The following MAN1B1 variants were observed in gnomAD, a reference collection of about 807,000 sequenced individuals.
MAN1B1 encodes endoplasmic reticulum mannosyl-oligosaccharide 1,2-alpha-mannosidase.
MAN1B1 carries 66 observed loss-of-function variants against 75.5 expected under a neutral mutation model. That is an observed-to-expected ratio of 0.87 (90% CI 0.72 to 1.07). MAN1B1 has a LOEUF of 1.07. MAN1B1 is among the 50% of genes least tolerant of loss of function. The pLI, the probability that MAN1B1 is intolerant of heterozygous loss-of-function variation, is 0.00. For synonymous variants in MAN1B1, 453 were observed against 382.8 expected (o/e 1.18, Z -2.14); for missense variants, 973 against 912.5 (o/e 1.07, Z -0.85).
At chr9:137,093,304 A>G (rs7848423) in intron 3 of MAN1B1, among the ~76,000 whole-genome samples, 51,985 of 151,896 alleles carry the variant, frequency 0.34, 9,135 homozygotes, top group East Asian at 0.56. Context: ...TGAGGCCTGA[A>G]CTGGGAGGTG....
chr9:137,107,223 G>C, intron 10 of MAN1B1, 27 bp from the exon 11 acceptor site: 1 of 1,609,652 alleles, frequency 6.2e-7, no homozygotes. Flanking sequence ...CCTGGGATCT[G>C]GGGCTGAAGA....
rs760066464 is a variant in MAN1B1 at position 137,096,225 on chromosome 9, A to C, written c.466-12A>C. 6.2e-7 allele frequency: 1 copy of C among 1,614,006 alleles called. No homozygotes were observed. The highest frequency in any genetic ancestry group is 8.5e-7 in the Non-Finnish European group (1 of 1,180,026). ...CACCCCGTGATTTCCTGTGTGACCA[A>C]TTTCTCTACAGAAGACACAAAGACA... On this transcript the variant is annotated splice_polypyrimidine_tract_variant and intron_variant, in intron 3 of 12. Transcript: ENST00000371589.
chr9:137,105,538 G>T (rs1831063486), intron 8 of MAN1B1: 1 of 271,422 alleles, frequency 3.7e-6, no homozygotes, highest in Non-Finnish European at 7.2e-6. Flanking sequence ...TCTGCGTTGG[G>T]TAGAGACCCG....
At chr9:137,099,949 G>C in intron 6 of MAN1B1, 68 bp downstream of exon 6, 1 of 1,563,040 alleles carries the variant, frequency 6.4e-7, no homozygotes, top group Non-Finnish European at 8.8e-7. Flanking sequence ...GCAGAGTGTG[G>C]GTTGCACACG....
At chr9:137,099,322 A>G (rs1451715595) in intron 5 of MAN1B1, among the ~76,000 whole-genome samples, 1 of 152,202 alleles carries the variant, frequency 6.6e-6, no homozygotes, top group Non-Finnish European at 1.5e-5. Flanking sequence ...GGCTGTGCTC[A>G]CTGTGCTGTC....
chr9:137,089,113 GT>G, intron 3 of MAN1B1, 108 bp downstream of exon 3: 1 of 1,356,632 alleles, frequency 7.4e-7, no homozygotes, highest in Non-Finnish European at 1.1e-6. Context: ...ATTACCACGT[GT>G]TTACCTCTCT....
Position 137,088,086 on chromosome 9 carries a change from A to G in MAN1B1, c.231A>G (p.Gln77=), listed in dbSNP as rs1322827440. Residue 77 remains glutamine, a synonymous_variant, in exon 2 of 13, where the codon CAA becomes CAG. Transcript: ENST00000371589. ...RRRSCWRKWK[Q]LSRLQRNMIL... is the part of the protein sequence containing the mutation. The stretch of plus-strand genomic sequence containing the variant: ...TGTACCTCCCTTAGAAATGGAAGCA[A>G]CTGTCGAGATTGCAGCGGAATATGA... 9 of 1,613,958 alleles carry G rather than the reference A, an allele frequency of 5.6e-6. No homozygotes were observed. The highest frequency in any genetic ancestry group is 6.8e-6 in the Non-Finnish European group (8 of 1,179,804).
In MAN1B1 at chr9:137,101,024, G is replaced by T. The variant is rs376305905; in HGVS notation, c.936G>T (p.Lys312Asn). The part of the protein sequence containing the change: ...GLRKEFEEAR[K>N]WVSKKLHFEK... The stretch of plus-strand genomic sequence containing the variant: ...TCATAGAATTTGAGGAAGCCAGGAA[G>T]TGGGTGTCGAAGAAGTTACACTTTG... Residue 312 changes from lysine to asparagine, a missense_variant, in exon 7 of 13, where the codon AAG (lysine) becomes AAT (asparagine). Lys to Asn is a moderately conservative substitution (Grantham distance 94, BLOSUM62 0). Transcript: ENST00000371589. 13 of 1,614,104 alleles carry T rather than the reference G, an allele frequency of 8.1e-6. No individual in the cohort carries two copies.
rs530699974 is a variant in MAN1B1 at position 137,094,962 on chromosome 9, T to C, written c.466-1275T>C. ...CAGCACTTTGGGAGGCTGAGGTGGG[T>C]AGATCACCTGAGGTCAGGAGTTCGA... is the stretch of plus-strand genomic sequence containing the variant. On this transcript the variant is annotated intron_variant, in intron 3 of 12. Coordinates refer to ENST00000371589, the MANE Select transcript of MAN1B1 (RefSeq NM_016219.5). Among the ~76,000 whole-genome samples the C allele has an allele frequency of 2.5e-3, 379 of 150,796 alleles. 3 individuals are homozygous for C. The highest frequency in any genetic ancestry group is 7.0e-3 in the Middle Eastern group (2 of 286).
At chr9:137,088,837 A>ATAT in intron 2 of MAN1B1, 32 bp from the exon 3 acceptor site, 1 of 1,612,964 alleles carries the variant, frequency 6.2e-7, no homozygotes, top group East Asian at 2.2e-5. Context: ...GCCTTGTGGC[A>ATAT]TATTTGAAAT....
intron 8 of MAN1B1, chr9:137,104,323 C>T (rs976783462): frequency 9.4e-6 from 3 of 318,730 alleles, no homozygotes; most frequent in African/African-American, 6.5e-5. Flanking sequence ...GCAACCTCCA[C>T]TCCCAGGTTC....
At chr9:137,089,069 G>A in intron 3 of MAN1B1, 64 bp downstream of exon 3, 1 of 1,574,554 alleles carries the variant, frequency 6.4e-7, no homozygotes, top group Non-Finnish European at 8.7e-7. Context: ...TCAAACCACT[G>A]AAGATTGAGA....
intron 3 of MAN1B1, among the ~76,000 whole-genome samples, chr9:137,091,039 G>A (rs543826677): frequency 1.3e-5 from 2 of 152,310 alleles, no homozygotes; most frequent in African/African-American, 4.8e-5. Flanking sequence ...AGAAGGTGCC[G>A]TGCCTGATGG....
intron 1 of MAN1B1, among the ~76,000 whole-genome samples, 194 bp from the exon 2 acceptor site, chr9:137,087,881 C>T (rs181929977): frequency 6.6e-6 from 1 of 152,170 alleles, no homozygotes; most frequent in East Asian, 1.9e-4. Context: ...GGCACGGTGG[C>T]TCATCCCGCG....
intron 3 of MAN1B1, among the ~76,000 whole-genome samples, chr9:137,092,208 A>G (rs1160914669): frequency 6.6e-6 from 1 of 152,082 alleles, no homozygotes; most frequent in East Asian, 1.9e-4. Flanking sequence ...CCAAAAAAAA[A>G]AAAAATTAGC....
At chr9:137,106,008 C>T in intron 8 of MAN1B1, 117 bp from the exon 9 acceptor site, 1 of 824,472 alleles carries the variant, frequency 1.2e-6, no homozygotes, top group Non-Finnish European at 2.1e-6. Context: ...AGAGCTCTCT[C>T]TGCTGGGAGT....
chr9:137,097,824 G>T lies in MAN1B1; in HGVS notation c.621-4G>T, dbSNP rs747603982. ...CAGCTGACACCCTTCCTTCTCCCCC[G>T]AAGCTGGAGGGGAGCGGTGATCGAG... On this transcript the variant is annotated splice_region_variant and splice_polypyrimidine_tract_variant and intron_variant, in intron 4 of 12. Transcript: ENST00000371589. 2 of 1,549,330 alleles carry T rather than the reference G, an allele frequency of 1.3e-6. No homozygotes were observed. Among genetic ancestry groups the T allele is most frequent in the Admixed American group, 3.9e-5 (2 of 51,238 alleles).
rs928665680 is a variant in MAN1B1, at chr9:137,087,190, A to G, written c.191A>G (p.Lys64Arg). The G allele has an allele frequency of 6.3e-7, 1 of 1,589,360 alleles. No homozygotes were observed. ...LSFGENYDNS[K>R]SWRRRSCWRK... is the part of the protein sequence containing the mutation. ...TTTGGCGAGAACTATGACAACAGCA[A>G]GAGTTGGCGGCGGCGCTCGTGCTGG... The change falls in exon 1 of 13, where the codon AAG (lysine) becomes AGG (arginine). Residue 64 changes from lysine to arginine, a missense_variant. Lys to Arg is a conservative substitution (Grantham distance 26). Coordinates refer to ENST00000371589, the MANE Select transcript of MAN1B1 (RefSeq NM_016219.5).
intron 2 of MAN1B1, chr9:137,088,498 CG>C (rs1830438940): frequency 7.6e-7 from 1 of 1,322,264 alleles, no homozygotes; most frequent in African/African-American, 1.4e-5. Context: ...CACTCATTAG[CG>C]TGTGTTTGGA....
Sources: allele counts gnomAD v4.1 joint callset (sites outside exome capture counted in the v4.1 genomes callset), GRCh38; gene constraint gnomAD v4.1.1; transcripts MANE v1.5; gene names NCBI Gene and HGNC (gene_info 2026-07-23, HGNC 2026-07-21).